Variants in NIM1K observed in about 807,000 individuals in gnomAD.
NIM1K encodes NIM1 serine/threonine protein kinase, also known as serine/threonine-protein kinase NIM1.
NIM1K carries 35 observed loss-of-function variants against 37.1 expected under a neutral mutation model. The ratio of observed to expected loss-of-function variants is 0.94; its 90% CI spans 0.72 to 1.25. The LOEUF is 1.25. NIM1K is among the 50% of genes most tolerant of loss of function. NIM1K has a pLI of 0.00. For missense variants in NIM1K, 564 were observed against 548.0 expected, an observed-to-expected ratio of 1.03 and a Z score of -0.29; for synonymous variants, 234 against 206.6, an observed-to-expected ratio of 1.13 and a Z score of -1.14.
chr5:43,237,792 C>G (rs2112252073), intron 1 of NIM1K, among the ~76,000 whole-genome samples: 1 of 152,178 alleles, frequency 6.6e-6, no homozygotes, highest in Admixed American at 6.5e-5. Context: ...TTTCCTTCTA[C>G]TTTTTTATTC....
intron 1 of NIM1K, chr5:43,193,457 CT>C (rs1751863689): frequency 2.0e-5 from 3 of 150,942 alleles, no homozygotes; most frequent in East Asian, 3.9e-4. Flanking sequence ...TCTACCCCCC[CT>C]CCCCCACCCC....
rs910610446 is a variant in NIM1K, at chr5:43,271,480, C to T, written c.293-5577C>T. Reference sequence around the variant, plus strand: ...TGTGTAAATCAGTAGTACATGGATACACTTTATAAATACGTATACATATAT... The same window carrying T: ...TGTGTAAATCAGTAGTACATGGATATACTTTATAAATACGTATACATATAT... On this transcript the variant is annotated intron_variant, in intron 2 of 3. Coordinates refer to ENST00000326035, the MANE Select transcript of NIM1K (RefSeq NM_153361.4). Among the ~76,000 whole-genome samples, 3 of 152,032 alleles carry T rather than the reference C, an allele frequency of 2.0e-5. No individual in the cohort carries two copies. The South Asian group carries it at 6.2e-4, about 32-fold the overall frequency.
chr5:43,211,163 A>C (rs961632199), intron 1 of NIM1K, among the ~76,000 whole-genome samples: 1 of 152,090 alleles, frequency 6.6e-6, no homozygotes, highest in South Asian at 2.1e-4. Context: ...TAGAGCGAGA[A>C]CCTTTCTCAA....
intron 1 of NIM1K, among the ~76,000 whole-genome samples, chr5:43,215,437 CTTTT>C (rs1351471524): frequency 6.6e-6 from 1 of 152,054 alleles, no homozygotes; most frequent in Non-Finnish European, 1.5e-5. Flanking sequence ...AAAGGCCCAT[CTTTT>C]TTTCTTTTTT....
chr5:43,212,321 G>A (rs1752216686), intron 1 of NIM1K, among the ~76,000 whole-genome samples: 1 of 152,112 alleles, frequency 6.6e-6, no homozygotes, highest in African/African-American at 2.4e-5. Context: ...CATGGCAGAG[G>A]TCTCCTCCCA....
chr5:43,260,837 A>G (rs371493872), intron 2 of NIM1K, among the ~76,000 whole-genome samples: 2 of 151,464 alleles, frequency 1.3e-5, no homozygotes, highest in African/African-American at 2.4e-5. Flanking sequence ...TTCAATTCCC[A>G]CCTATGAGTG....
At chr5:43,218,271 A>G (rs1752331616) in intron 1 of NIM1K, among the ~76,000 whole-genome samples, 1 of 151,914 alleles carries the variant, frequency 6.6e-6, no homozygotes, top group Non-Finnish European at 1.5e-5. Context: ...TCGGCCTCCC[A>G]AAGTGCTGGG....
chr5:43,263,047 A>G (rs1298541760), intron 2 of NIM1K, among the ~76,000 whole-genome samples: 1 of 152,182 alleles, frequency 6.6e-6, no homozygotes, highest in African/African-American at 2.4e-5. Context: ...ATCAATGTTC[A>G]TCAGGGATAT....
At position 43,280,023 on chromosome 5, in the gene NIM1K, T is replaced by C. The variant is rs1224425543; in HGVS notation, c.605T>C (p.Val202Ala). The change falls in exon 4 of 4, where the codon GTA becomes GCA. Residue 202 changes from valine to alanine, a missense_variant. By Grantham distance (64) the Val-to-Ala change is moderately conservative. Transcript: ENST00000326035. ...IIHRDLKAEN[V>A]FYTSNTCVKV... ...CATAGAGATCTGAAAGCAGAAAATG[T>C]ATTCTATACCAGTAATACTTGTGTG... is the stretch of plus-strand genomic sequence containing the variant. 6.2e-7 allele frequency: 1 copy of C among 1,613,540 alleles called. No individual in the cohort carries two copies. Among genetic ancestry groups the C allele is most frequent in the African/African-American group, 1.3e-5 (1 of 74,932 alleles).
chr5:43,228,481 A>G (rs191940632), intron 1 of NIM1K, among the ~76,000 whole-genome samples: 75 of 152,164 alleles, frequency 4.9e-4, no homozygotes, highest in Middle Eastern at 3.4e-3. Flanking sequence ...ATAAACAAAA[A>G]TTTTACATTA....
At chr5:43,259,395 C>T (rs1752994823) in intron 2 of NIM1K, among the ~76,000 whole-genome samples, 1 of 152,210 alleles carries the variant, frequency 6.6e-6, no homozygotes, top group Non-Finnish European at 1.5e-5. Context: ...TACATTCCCA[C>T]CAGCAGTGTA....
intron 1 of NIM1K, among the ~76,000 whole-genome samples, chr5:43,236,020 T>G (rs1472335840): frequency 6.6e-6 from 1 of 152,128 alleles, no homozygotes; most frequent in Non-Finnish European, 1.5e-5. Flanking sequence ...ACGCCTGTAA[T>G]CACAGCCACT....
At chr5:43,274,723 C>T (rs552064495) in intron 2 of NIM1K, among the ~76,000 whole-genome samples, 2 of 152,328 alleles carry the variant, frequency 1.3e-5, no homozygotes, top group Non-Finnish European at 2.9e-5. Context: ...CTGCGAGGGG[C>T]GGGCTGGCTG....
rs1554016083 is a variant in NIM1K at position 43,255,754 on chromosome 5, A to AAAGAAAGAAAGAAAG, written c.292+9689_292+9690insGAAAGAAAGAAAGAA. ...CAGAGCCAGACTCTGTCTCAAAAAA[A>AAAGAAAGAAAGAAAG]AAAGAAAGAAAGAAAGAAAGAAAGA... On this transcript the variant is annotated intron_variant, in intron 2 of 3. Coordinates refer to ENST00000326035, the MANE Select transcript of NIM1K (RefSeq NM_153361.4). 6.8e-5 allele frequency among the ~76,000 whole-genome samples: 9 copies of AAAGAAAGAAAGAAAG among 131,894 alleles called. No homozygotes were observed. The South Asian group carries it at 1.5e-3, about 22-fold the overall frequency. The allele number at this position is 131,894 out of a possible 152,430, so 86.5% of individuals were successfully genotyped here. A position where few individuals can be genotyped will look rare whatever the true frequency, so the allele number is the denominator to read the frequency against.
At chr5:43,251,527 A>G (rs1164239130) in intron 2 of NIM1K, among the ~76,000 whole-genome samples, 1 of 152,200 alleles carries the variant, frequency 6.6e-6, no homozygotes, top group Admixed American at 6.5e-5. Context: ...GAACCTGTTT[A>G]CAGGAATTCA....
In NIM1K at chr5:43,207,394, G is replaced by A. The variant is rs925785246; in HGVS notation, c.-695+14983G>A. 53 of 854,534 alleles carry A rather than the reference G, an allele frequency of 6.2e-5. 1 individual carries two copies. The highest frequency in any genetic ancestry group is 3.5e-4 in the Middle Eastern group (1 of 2,868). The allele number at this position is 854,534 out of a possible 1,614,324, so 52.9% of individuals were successfully genotyped here. A position where few individuals can be genotyped will look rare whatever the true frequency, so the allele number is the denominator to read the frequency against. On this transcript the variant is annotated intron_variant, in intron 1 of 3. Coordinates refer to ENST00000326035, the MANE Select transcript of NIM1K (RefSeq NM_153361.4). ...GATGAAAGAAATATATGCGAAAAACGTGTGGCGATGTCTTAGACAATCTTA... is the reference window on the plus strand; with the variant it reads ...GATGAAAGAAATATATGCGAAAAACATGTGGCGATGTCTTAGACAATCTTA...
intron 2 of NIM1K, among the ~76,000 whole-genome samples, chr5:43,261,234 A>C (rs182364565): frequency 2.6e-5 from 4 of 152,346 alleles, no homozygotes; most frequent in African/African-American, 9.6e-5. Flanking sequence ...CCAACAGTGT[A>C]AAAGTGTTCC....
chr5:43,213,037 G>A (rs1289759158), intron 1 of NIM1K, among the ~76,000 whole-genome samples: 2 of 152,116 alleles, frequency 1.3e-5, no homozygotes, highest in Admixed American at 6.5e-5. Flanking sequence ...GCCAGAGGGT[G>A]TATTCAGGCA....
chr5:43,271,518 C>A (rs766366997), intron 2 of NIM1K, among the ~76,000 whole-genome samples: 57 of 151,830 alleles, frequency 3.8e-4, no homozygotes, highest in Admixed American at 1.3e-4. Context: ...GAGTAGTGCT[C>A]AAAAATGTTT....
Sources: gnomAD v4.1 joint callset for allele counts (sites outside exome capture counted in the v4.1 genomes callset) on GRCh38, gnomAD v4.1.1 for gene constraint, MANE v1.5 for transcripts, NCBI Gene and HGNC (gene_info 2026-07-23, HGNC 2026-07-21) for gene names.